CACNA2D2: variants seen among roughly 807,000 people sequenced by gnomAD.
The protein encoded by CACNA2D2 is voltage-dependent calcium channel subunit alpha-2/delta-2.
Under a neutral mutation model 166.4 loss-of-function variants are expected in CACNA2D2, and 48 were observed. That is an observed-to-expected ratio of 0.29 (90% CI 0.23 to 0.37). The LOEUF (loss-of-function observed/expected upper bound fraction) is 0.37, where lower values mean the gene tolerates loss of function less well. CACNA2D2 is among the 10% of genes least tolerant of loss of function. CACNA2D2 has a pLI of 1.00. For synonymous variants in CACNA2D2, 561 were observed against 573.7 expected, an observed-to-expected ratio of 0.98 and a Z score of 0.32; for missense variants, 1,122 against 1,433.0, an observed-to-expected ratio of 0.78 and a Z score of 3.50.
chr3:50,365,269 G>A lies in CACNA2D2; in HGVS notation c.3099-85C>T, dbSNP rs1270395086. The A allele has an allele frequency of 1.9e-6, 3 of 1,557,798 alleles. No individual in the cohort carries two copies. Among genetic ancestry groups the A allele is most frequent in the Admixed American group, 3.8e-5 (2 of 52,566 alleles). On this transcript the variant is annotated intron_variant, in intron 35 of 37. Coordinates refer to ENST00000424201, the MANE Select transcript of CACNA2D2 (RefSeq NM_006030.4). This position sits in a 1 kb window ranked among gnomAD's most constrained non-coding sequence, Gnocchi z 4.5. Reference sequence around the variant, plus strand: ...CTGCGGCCCCGCCCCCGGCCGCTCGGAGGCCCCGCCCCTTCCATCCTCCCG... The same window carrying A: ...CTGCGGCCCCGCCCCCGGCCGCTCGAAGGCCCCGCCCCTTCCATCCTCCCG...
At chr3:50,414,524 C>A (rs762666533) in intron 3 of CACNA2D2, among the ~76,000 whole-genome samples, 4 of 151,958 alleles carry the variant, frequency 2.6e-5, no homozygotes, top group Admixed American at 6.5e-5. Flanking sequence ...GGCAGCCCCC[C>A]TTCCAAAACA....
chr3:50,380,877 G>T lies in CACNA2D2; in HGVS notation c.785-72C>A, dbSNP rs587725244. The T allele has an allele frequency of 1.4e-5, 21 of 1,529,664 alleles. No individual in the cohort carries two copies. The highest frequency in any genetic ancestry group is 8.8e-7 in the Non-Finnish European group (1 of 1,131,164). 94.8% of individuals were successfully genotyped at this position (1,529,664 alleles called of 1,614,324 possible). ...CTGGGTAGGCAGACCTTGCAGAGGC[G>T]ACTGGGCTGCCACAGACTACAGAGA... On this transcript the variant is annotated intron_variant, in intron 7 of 37. Transcript: ENST00000424201. This position sits in a 1 kb window ranked among gnomAD's most constrained non-coding sequence, Gnocchi z 4.9.
intron 2 of CACNA2D2, among the ~76,000 whole-genome samples, chr3:50,445,154 T>C (rs772886157): frequency 7.2e-5 from 11 of 152,248 alleles, no homozygotes; most frequent in Non-Finnish European, 1.3e-4. Flanking sequence ...AGTGGAACTT[T>C]GCTGGCTTGG....
In CACNA2D2 at chr3:50,379,370, G is replaced by A; in HGVS notation, c.1152+62C>T. 1 of 1,586,278 alleles carries A rather than the reference G, an allele frequency of 6.3e-7. No individual in the cohort carries two copies. Among genetic ancestry groups the A allele is most frequent in the Non-Finnish European group, 8.6e-7 (1 of 1,160,938 alleles). On this transcript the variant is annotated intron_variant, in intron 11 of 37. Transcript: ENST00000424201. This position sits in a 1 kb window ranked among gnomAD's most constrained non-coding sequence, Gnocchi z 6.5. ...CGAGGCCATCCGTCTTGATTTCCTG[G>A]GTACACCAAGCCAGGGCCCTCTACT...
rs1260248535 is a variant in CACNA2D2 at position 50,394,177 on chromosome 3, C to T, written c.406-9G>A. 2.5e-6 allele frequency: 4 copies of T among 1,613,792 alleles called. No homozygotes were observed. Among genetic ancestry groups the T allele is most frequent in the South Asian group, 2.2e-5 (2 of 91,074 alleles). On this transcript the variant is annotated splice_polypyrimidine_tract_variant and intron_variant, in intron 3 of 37. Coordinates refer to ENST00000424201, the MANE Select transcript of CACNA2D2 (RefSeq NM_006030.4). ...GCAGCATCAGCCAGTCTCTGAGGGACAGAGCACAGGGAGGTCAGAAGCGGA... is the reference window on the plus strand; with the variant it reads ...GCAGCATCAGCCAGTCTCTGAGGGATAGAGCACAGGGAGGTCAGAAGCGGA...
intron 3 of CACNA2D2, among the ~76,000 whole-genome samples, chr3:50,417,344 C>A (rs1707312234): frequency 6.6e-6 from 1 of 152,250 alleles, no homozygotes; most frequent in African/African-American, 2.4e-5. Flanking sequence ...TGACAACCCC[C>A]ATGAGCTGAC....
intron 3 of CACNA2D2, among the ~76,000 whole-genome samples, chr3:50,431,467 G>A (rs997340028): frequency 5.3e-5 from 8 of 152,144 alleles, no homozygotes; most frequent in African/African-American, 1.9e-4. Context: ...ATGTGGGGGA[G>A]TCAAGGGGCT....
chr3:50,486,063 T>G (rs1467916), intron 1 of CACNA2D2, among the ~76,000 whole-genome samples: 20,911 of 151,940 alleles, frequency 0.14, 1,624 homozygotes, highest in East Asian at 0.32. Flanking sequence ...GGAACAGAAG[T>G]CCTGCCCGGG....
chr3:50,411,146 G>A (rs1306015875), intron 3 of CACNA2D2, among the ~76,000 whole-genome samples: 1 of 152,180 alleles, frequency 6.6e-6, no homozygotes, highest in Non-Finnish European at 1.5e-5. Flanking sequence ...CTGGCCAAAT[G>A]GAGCTTCTTG....
intron 22 of CACNA2D2, among the ~76,000 whole-genome samples, chr3:50,370,723 T>C (rs1294898482): frequency 6.6e-6 from 1 of 151,818 alleles, no homozygotes; most frequent in Non-Finnish European, 1.5e-5. Context: ...CACACATATA[T>C]ATACACACAC....
intron 13 of CACNA2D2, 33 bp downstream of exon 13, chr3:50,378,882 C>T (rs1705135208): frequency 1.2e-6 from 2 of 1,611,416 alleles, no homozygotes; most frequent in African/African-American, 1.3e-5. Context: ...AAATGGCAGG[C>T]AGGCCCCTGA....
Position 50,365,713 on chromosome 3 carries a change from C to T in CACNA2D2, c.2916-25G>A. 6.3e-7 allele frequency: 1 copy of T among 1,596,582 alleles called. No homozygotes were observed. The highest frequency in any genetic ancestry group is 1.3e-5 in the African/African-American group (1 of 74,844). On this transcript the variant is annotated intron_variant, in intron 33 of 37. Coordinates refer to ENST00000424201, the MANE Select transcript of CACNA2D2 (RefSeq NM_006030.4). This position sits in a 1 kb window ranked among gnomAD's most constrained non-coding sequence, Gnocchi z 4.5. ...CCTGCAGCGCACGGGGAGCCGAGTGCAGGTGGTCAGCAGAGGACGATGCCA... is the reference window on the plus strand; with the variant it reads ...CCTGCAGCGCACGGGGAGCCGAGTGTAGGTGGTCAGCAGAGGACGATGCCA...
intron 3 of CACNA2D2, among the ~76,000 whole-genome samples, chr3:50,400,217 T>C (rs752221278): frequency 8.5e-5 from 13 of 152,222 alleles, no homozygotes; most frequent in Non-Finnish European, 1.2e-4. Flanking sequence ...AGGGGGGAGC[T>C]GGAGCCCCAG....
At chr3:50,433,546 T>C (rs1158631200) in intron 3 of CACNA2D2, among the ~76,000 whole-genome samples, 2 of 152,108 alleles carry the variant, frequency 1.3e-5, no homozygotes, top group African/African-American at 4.8e-5. Flanking sequence ...GATTAGTTTG[T>C]CTTTGACACA....
chr3:50,478,702 C>T (rs932126663), intron 1 of CACNA2D2, among the ~76,000 whole-genome samples: 9 of 152,206 alleles, frequency 5.9e-5, no homozygotes, highest in Non-Finnish European at 1.2e-4. Flanking sequence ...GTAGTGAACA[C>T]AGGACTTGCC....
intron 3 of CACNA2D2, among the ~76,000 whole-genome samples, chr3:50,429,414 C>A (rs1224139478): frequency 6.6e-6 from 1 of 151,744 alleles, no homozygotes; most frequent in Non-Finnish European, 1.5e-5. Context: ...CACTCAGAGG[C>A]CAGTAATCCT....
intron 2 of CACNA2D2, among the ~76,000 whole-genome samples, chr3:50,459,626 A>T (rs537948827): frequency 2.0e-5 from 3 of 152,326 alleles, no homozygotes; most frequent in Admixed American, 6.5e-5. Context: ...CCTGGAGCCA[A>T]GGGACCTAGG....
chr3:50,366,218 G>A lies in CACNA2D2; in HGVS notation c.2709+49C>T. 6.2e-7 allele frequency: 1 copy of A among 1,613,972 alleles called. No individual in the cohort carries two copies. Among genetic ancestry groups the A allele is most frequent in the Non-Finnish European group, 8.5e-7 (1 of 1,179,866 alleles). On this transcript the variant is annotated intron_variant, in intron 31 of 37. Coordinates refer to ENST00000424201, the MANE Select transcript of CACNA2D2 (RefSeq NM_006030.4). The surrounding 1 kb of genome is among the most constrained non-coding windows in gnomAD (Gnocchi z 5.9). ...CAGGGCTGGCAGTGCTACACCCCTA[G>A]AAGGCTCAAATCCCTACTCTCTTCT...
At chr3:50,490,661 G>A (rs763030) in intron 1 of CACNA2D2, among the ~76,000 whole-genome samples, 2 of 152,056 alleles carry the variant, frequency 1.3e-5, no homozygotes, top group Non-Finnish European at 2.9e-5. Flanking sequence ...CAGTCATGAC[G>A]AGCTTGGCTC....
Sources: allele counts gnomAD v4.1 joint callset (sites outside exome capture counted in the v4.1 genomes callset), GRCh38; gene constraint gnomAD v4.1.1; non-coding constraint Gnocchi (gnomAD v3.1); transcripts MANE v1.5; gene names NCBI Gene and HGNC (gene_info 2026-07-23, HGNC 2026-07-21).